CPQ: variants seen among roughly 807,000 people sequenced by gnomAD.
The protein encoded by CPQ is Ser-Met dipeptidase.
In CPQ, 37 loss-of-function variants were observed where a neutral mutation model predicts 45.7. The ratio of observed to expected loss-of-function variants is 0.81; its 90% CI spans 0.62 to 1.07. The LOEUF (loss-of-function observed/expected upper bound fraction) is 1.07, where lower values mean the gene tolerates loss of function less well. Ranked by LOEUF, CPQ falls within the 50% of genes least tolerant of loss-of-function variation. CPQ has a pLI of 0.00. For missense variants in CPQ, 537 were observed against 572.9 expected (o/e 0.94, Z 0.64); for synonymous variants, 186 against 205.8 (o/e 0.90, Z 0.82).
rs568296818 is a variant in CPQ at position 97,033,552 on chromosome 8, G to A, written c.1053+4058G>A. 1.1e-3 allele frequency among the ~76,000 whole-genome samples: 160 copies of A among 151,294 alleles called. 1 individual carries two copies. The highest frequency in any genetic ancestry group is 3.7e-3 in the African/African-American group (153 of 41,224). On this transcript the variant is annotated intron_variant, in intron 6 of 7. Transcript: ENST00000220763. The stretch of plus-strand genomic sequence containing the variant: ...AATATAATTTTGTAAATTTTGTTTC[G>A]AGCCTAATATTAGCCTATGTAAGTA...
At chr8:96,664,019 T>G (rs751509621) in intron 1 of CPQ, among the ~76,000 whole-genome samples, 6 of 152,206 alleles carry the variant, frequency 3.9e-5, no homozygotes, top group African/African-American at 1.4e-4. Context: ...AAATAGGGAA[T>G]ATAATGTCAA....
At chr8:97,137,229 C>T (rs1812075230) in intron 7 of CPQ, among the ~76,000 whole-genome samples, 1 of 152,176 alleles carries the variant, frequency 6.6e-6, no homozygotes, top group Non-Finnish European at 1.5e-5. Context: ...CTGAAGAGGG[C>T]ATGGACAAAT....
chr8:96,799,576 G>T (rs551873605), intron 2 of CPQ, among the ~76,000 whole-genome samples: 30 of 152,230 alleles, frequency 2.0e-4, no homozygotes, highest in Middle Eastern at 3.4e-3. Context: ...TCAGTTGACG[G>T]ATCTGACTAC....
At chr8:96,692,843 G>T (rs1281671566) in intron 1 of CPQ, among the ~76,000 whole-genome samples, 1 of 152,060 alleles carries the variant, frequency 6.6e-6, no homozygotes, top group Non-Finnish European at 1.5e-5. Flanking sequence ...CTCACCAAAT[G>T]AACTCAATAA....
At chr8:97,093,212 T>C (rs1409601789) in intron 7 of CPQ, among the ~76,000 whole-genome samples, 1 of 152,164 alleles carries the variant, frequency 6.6e-6, no homozygotes, top group African/African-American at 2.4e-5. Flanking sequence ...ACTTACACAC[T>C]GCTGGTGGGA....
Position 96,794,662 on chromosome 8 carries a change from C to T in CPQ, c.433+9332C>T, listed in dbSNP as rs147585132. ...TCACATTGTCAGGCTGCAAATTTTC[C>T]GAACTTTTATGCTCTGCTTCCCTTA... On this transcript the variant is annotated intron_variant, in intron 2 of 7. Coordinates refer to ENST00000220763, the MANE Select transcript of CPQ (RefSeq NM_016134.4). Among the ~76,000 whole-genome samples the T allele has an allele frequency of 3.6e-3, 541 of 152,226 alleles. 2 individuals are homozygous for T. The highest frequency in any genetic ancestry group is 0.012 in the African/African-American group (494 of 41,526).
intron 5 of CPQ, among the ~76,000 whole-genome samples, chr8:96,971,952 T>G (rs1813686886): frequency 6.6e-6 from 1 of 152,140 alleles, no homozygotes; most frequent in Admixed American, 6.5e-5. Flanking sequence ...ATAGTGAACT[T>G]TTGCTCTAAG....
intron 7 of CPQ, among the ~76,000 whole-genome samples, chr8:97,081,215 G>A (rs1026751242): frequency 1.3e-4 from 20 of 152,116 alleles, no homozygotes; most frequent in East Asian, 5.8e-4. Flanking sequence ...ACTATACTGC[G>A]AAGTGCACTG....
intron 4 of CPQ, among the ~76,000 whole-genome samples, chr8:96,902,944 G>A (rs1812531713): frequency 6.6e-6 from 1 of 152,220 alleles, no homozygotes; most frequent in South Asian, 2.1e-4. Flanking sequence ...CCCTTGTCAA[G>A]TGGACACACC....
At chr8:96,947,204 T>C (rs779135580) in intron 4 of CPQ, among the ~76,000 whole-genome samples, 6 of 152,196 alleles carry the variant, frequency 3.9e-5, no homozygotes, top group Non-Finnish European at 7.3e-5. Flanking sequence ...TTTCCAAATA[T>C]ATTTGACTAA....
chr8:96,654,992 G>T (rs984325624), intron 1 of CPQ, among the ~76,000 whole-genome samples: 3 of 151,470 alleles, frequency 2.0e-5, no homozygotes, highest in African/African-American at 7.3e-5. Context: ...TGTTTAGGCA[G>T]GTATCCTTTC....
At chr8:96,914,300 C>A (rs1328759825) in intron 4 of CPQ, among the ~76,000 whole-genome samples, 1 of 152,120 alleles carries the variant, frequency 6.6e-6, no homozygotes, top group Non-Finnish European at 1.5e-5. Context: ...AGTTTTGATT[C>A]ATTCCTTGAA....
chr8:96,904,621 T>C (rs1252450196), intron 4 of CPQ, among the ~76,000 whole-genome samples: 1 of 152,156 alleles, frequency 6.6e-6, no homozygotes, highest in Admixed American at 6.5e-5. Flanking sequence ...TCACCACAGA[T>C]GCTTTTTAAA....
chr8:96,843,766 AG>A (rs928677321), intron 3 of CPQ, among the ~76,000 whole-genome samples: 69 of 152,248 alleles, frequency 4.5e-4, no homozygotes, highest in African/African-American at 1.7e-3. Flanking sequence ...ATAATAATGT[AG>A]ATGAGGTGAC....
chr8:96,937,058 A>G (rs1430961386), intron 4 of CPQ, among the ~76,000 whole-genome samples: 2 of 151,256 alleles, frequency 1.3e-5, no homozygotes, highest in Non-Finnish European at 2.9e-5. Context: ...CTCCTACTCT[A>G]TGTCATTGTC....
intron 4 of CPQ, among the ~76,000 whole-genome samples, chr8:96,915,352 T>A (rs1812717873): frequency 6.6e-6 from 1 of 152,126 alleles, no homozygotes; most frequent in Non-Finnish European, 1.5e-5. Context: ...CCAAAATAAC[T>A]ACAGTTGATC....
chr8:96,797,898 A>C (rs901523557), intron 2 of CPQ, among the ~76,000 whole-genome samples: 3 of 151,966 alleles, frequency 2.0e-5, no homozygotes, highest in Non-Finnish European at 4.4e-5. Flanking sequence ...AAAAATACAA[A>C]AAATTAGCCA....
chr8:96,688,143 A>G (rs144955339), intron 1 of CPQ, among the ~76,000 whole-genome samples: 104 of 152,224 alleles, frequency 6.8e-4, no homozygotes, highest in Admixed American at 1.9e-3. Context: ...TTAGATAGTC[A>G]TAACATTTAA....
At chr8:96,827,321 C>A (rs918625078) in intron 2 of CPQ, among the ~76,000 whole-genome samples, 7 of 152,052 alleles carry the variant, frequency 4.6e-5, no homozygotes, top group African/African-American at 1.7e-4. Flanking sequence ...ACCCCTCCAT[C>A]ACTTCCTCTG....
Sources: gnomAD v4.1 joint callset for allele counts (sites outside exome capture counted in the v4.1 genomes callset) on GRCh38, gnomAD v4.1.1 for gene constraint, MANE v1.5 for transcripts, NCBI Gene and HGNC (gene_info 2026-07-23, HGNC 2026-07-21) for gene names.